The following GRM5 variants were observed in gnomAD, a reference collection of about 807,000 sequenced individuals.
The protein encoded by GRM5 is glutamate metabotropic receptor 5, also known as metabotropic glutamate receptor 5.
A neutral mutation model predicts 83.1 loss-of-function variants in GRM5; 19 were observed. That is an observed-to-expected ratio of 0.23 (90% CI 0.16 to 0.34). The LOEUF is 0.34. Ranked by LOEUF, GRM5 falls within the 10% of genes least tolerant of loss-of-function variation. GRM5 has a pLI of 1.00. For synonymous variants in GRM5, 675 were observed against 633.6 expected, an observed-to-expected ratio of 1.07 and a Z score of -0.98; for missense variants, 1,160 against 1,588.3, an observed-to-expected ratio of 0.73 and a Z score of 4.58.
At chr11:88,679,482 CTT>C (rs1356934509) in intron 3 of GRM5, among the ~76,000 whole-genome samples, 1 of 152,080 alleles carries the variant, frequency 6.6e-6, no homozygotes, top group East Asian at 1.9e-4. Context: ...AGTCAAGCCT[CTT>C]TTGGTTGCAG....
intron 3 of GRM5, among the ~76,000 whole-genome samples, chr11:88,714,523 G>A (rs1031967442): frequency 5.3e-5 from 8 of 151,960 alleles, no homozygotes; most frequent in African/African-American, 1.9e-4. Flanking sequence ...TAGTTTACAT[G>A]TATAACCATA....
chr11:88,685,974 C>G (rs938474666), intron 3 of GRM5, among the ~76,000 whole-genome samples: 1 of 152,178 alleles, frequency 6.6e-6, no homozygotes, highest in African/African-American at 2.4e-5. Flanking sequence ...AGAATCCTGA[C>G]TGGGGCACCA....
chr11:88,637,868 C>A (rs71469207), intron 4 of GRM5, among the ~76,000 whole-genome samples: 1 of 148,374 alleles, frequency 6.7e-6, no homozygotes, highest in South Asian at 2.2e-4. Flanking sequence ...ATGTTTATTG[C>A]GGCATTATTC....
At chr11:88,536,191 A>G (rs1297078479) in intron 8 of GRM5, among the ~76,000 whole-genome samples, 1 of 152,218 alleles carries the variant, frequency 6.6e-6, no homozygotes, top group African/African-American at 2.4e-5. Context: ...TTGTTCACAT[A>G]TATTGAAGAA....
At chr11:88,709,008 A>ATT (rs909967387) in intron 3 of GRM5, among the ~76,000 whole-genome samples, 1 of 151,064 alleles carries the variant, frequency 6.6e-6, no homozygotes, top group South Asian at 2.1e-4. Flanking sequence ...TGGTTAGCCC[A>ATT]TTTTTTTTTC....
intron 2 of GRM5, among the ~76,000 whole-genome samples, chr11:88,985,712 T>G (rs1939684304): frequency 6.6e-6 from 1 of 152,164 alleles, no homozygotes. Flanking sequence ...AGTATTATTA[T>G]CATAGCAACA....
intron 3 of GRM5, among the ~76,000 whole-genome samples, chr11:88,816,027 C>A (rs543757874): frequency 1.4e-5 from 2 of 147,128 alleles, no homozygotes; most frequent in South Asian, 4.3e-4. Context: ...TCCTGGCTAA[C>A]AAGGTGAAAC....
chr11:88,971,291 C>A lies in GRM5; in HGVS notation c.661+75921G>T, dbSNP rs555863489. Among the ~76,000 whole-genome samples the A allele has an allele frequency of 7.9e-5, 12 of 152,156 alleles. 1 individual carries two copies. The highest frequency in any genetic ancestry group is 4.1e-4 in the South Asian group (2 of 4,824). On this transcript the variant is annotated intron_variant, in intron 2 of 9. Coordinates refer to ENST00000305447, the MANE Select transcript of GRM5 (RefSeq NM_001143831.3). Reference sequence around the variant, plus strand: ...CTTTTTTAAATTTAACTGTTTTTAACTTTTATTTTAGGTTCACCGGCACAT... The same window carrying A: ...CTTTTTTAAATTTAACTGTTTTTAAATTTTATTTTAGGTTCACCGGCACAT...
At chr11:88,656,104 T>C (rs1297335001) in intron 3 of GRM5, among the ~76,000 whole-genome samples, 1 of 149,960 alleles carries the variant, frequency 6.7e-6, no homozygotes, top group Non-Finnish European at 1.5e-5. Flanking sequence ...CCTAATGCTT[T>C]CTATTACTTT....
intron 3 of GRM5, among the ~76,000 whole-genome samples, chr11:88,738,117 T>A (rs761046323): frequency 3.8e-4 from 58 of 152,044 alleles, no homozygotes; most frequent in Non-Finnish European, 4.3e-4. Context: ...TCACAAGAAT[T>A]TTTTGAAATG....
chr11:89,051,792 TAGAA>T (rs1400669177), intron 1 of GRM5, among the ~76,000 whole-genome samples: 1 of 152,208 alleles, frequency 6.6e-6, no homozygotes. Context: ...AATTCAATCT[TAGAA>T]AGGATTATTC....
At chr11:88,725,019 C>G (rs1209836565) in intron 3 of GRM5, among the ~76,000 whole-genome samples, 1 of 152,128 alleles carries the variant, frequency 6.6e-6, no homozygotes, top group Non-Finnish European at 1.5e-5. Flanking sequence ...TATTCATACT[C>G]CAGTAATGCC....
At chr11:89,024,662 C>T (rs984148206) in intron 2 of GRM5, among the ~76,000 whole-genome samples, 5 of 151,954 alleles carry the variant, frequency 3.3e-5, no homozygotes, top group Admixed American at 1.3e-4. Context: ...CCAAAAATAT[C>T]GGGAAAACAA....
chr11:88,769,379 G>T (rs1486916714), intron 3 of GRM5, among the ~76,000 whole-genome samples: 4 of 81,178 alleles, frequency 4.9e-5, no homozygotes, highest in South Asian at 2.6e-4. Flanking sequence ...TCTTTGTTTT[G>T]CCAACTGTTA....
At chr11:89,031,132 C>A (rs1941252329) in intron 2 of GRM5, among the ~76,000 whole-genome samples, 1 of 151,846 alleles carries the variant, frequency 6.6e-6, no homozygotes, top group African/African-American at 2.4e-5. Flanking sequence ...AGGACAAAAA[C>A]TTTATTTCAA....
chr11:89,004,594 G>T (rs1755611992), intron 2 of GRM5, among the ~76,000 whole-genome samples: 9 of 152,146 alleles, frequency 5.9e-5, no homozygotes, highest in Admixed American at 5.9e-4. Context: ...AAATTTAGCA[G>T]TCCTAAGATG....
chr11:88,758,620 G>A (rs1942446295), intron 3 of GRM5, among the ~76,000 whole-genome samples: 1 of 152,176 alleles, frequency 6.6e-6, no homozygotes. Context: ...AGATTCATTG[G>A]TGTTCTCGAA....
intron 3 of GRM5, among the ~76,000 whole-genome samples, chr11:88,712,125 C>T (rs1047998181): frequency 6.6e-6 from 1 of 152,040 alleles, no homozygotes; most frequent in African/African-American, 2.4e-5. Context: ...AAATCCTTCT[C>T]TCTTGTCTTG....
chr11:88,667,859 C>T (rs899702031), intron 3 of GRM5, among the ~76,000 whole-genome samples: 1 of 151,308 alleles, frequency 6.6e-6, no homozygotes, highest in African/African-American at 2.4e-5. Flanking sequence ...AGCTACTGCA[C>T]TCCAGCATGG....
Sources: allele counts gnomAD v4.1 joint callset (sites outside exome capture counted in the v4.1 genomes callset), GRCh38; gene constraint gnomAD v4.1.1; transcripts MANE v1.5; gene names NCBI Gene and HGNC (gene_info 2026-07-23, HGNC 2026-07-21).